ATP9A: variants seen among roughly 807,000 people sequenced by gnomAD.
ATP9A encodes the protein ATPase phospholipid transporting 9A.
ATP9A carries 52 observed loss-of-function variants against 144.1 expected under a neutral mutation model. The observed-to-expected ratio is 0.36, with a 90% confidence interval of 0.29 to 0.45. The LOEUF (loss-of-function observed/expected upper bound fraction) is 0.45. ATP9A is among the 20% of genes least tolerant of loss of function. The pLI is 1.00. For synonymous variants in ATP9A, 582 were observed against 557.4 expected, an observed-to-expected ratio of 1.04 and a Z score of -0.62; for missense variants, 947 against 1,392.7, an observed-to-expected ratio of 0.68 and a Z score of 5.09.
chr20:51,750,370 G>T (rs1176612986), intron 1 of ATP9A, among the ~76,000 whole-genome samples: 1 of 152,034 alleles, frequency 6.6e-6, no homozygotes, highest in Non-Finnish European at 1.5e-5. Flanking sequence ...CCAGTGCCCA[G>T]CACTCCTCCC....
chr20:51,641,326 T>A (rs968624373), intron 14 of ATP9A, among the ~76,000 whole-genome samples: 1 of 151,872 alleles, frequency 6.6e-6, no homozygotes, highest in African/African-American at 2.4e-5. Flanking sequence ...ACCACCCCAC[T>A]CCAGCCTGGA....
At chr20:51,610,515 C>T (rs777204091) in intron 23 of ATP9A, among the ~76,000 whole-genome samples, 2 of 152,152 alleles carry the variant, frequency 1.3e-5, no homozygotes, top group Non-Finnish European at 2.9e-5. Flanking sequence ...TATTAAGTTC[C>T]AGGACCCAGG....
chr20:51,606,005 T>C lies in ATP9A; in HGVS notation c.2804-985A>G, dbSNP rs185378070. Among the ~76,000 whole-genome samples the C allele has an allele frequency of 2.2e-3, 331 of 151,936 alleles. 4 individuals are homozygous for C. Among genetic ancestry groups the C allele is most frequent in the East Asian group, 5.9e-3 (30 of 5,128 alleles). On this transcript the variant is annotated intron_variant, in intron 26 of 27. Transcript: ENST00000338821. ...TAAACCCCAGCCAGTCGCGGTGGCTTACGCCTGTAATCCCAACACTTTGGG... is the reference window on the plus strand; with the variant it reads ...TAAACCCCAGCCAGTCGCGGTGGCTCACGCCTGTAATCCCAACACTTTGGG...
chr20:51,607,495 C>T (rs372002496), intron 26 of ATP9A, 32 bp downstream of exon 26: 4 of 1,575,814 alleles, frequency 2.5e-6, no homozygotes, highest in Non-Finnish European at 3.5e-6. Flanking sequence ...TACCAGAGCA[C>T]AAGACAAACA....
At chr20:51,680,406 C>T (rs1264501693) in intron 9 of ATP9A, among the ~76,000 whole-genome samples, 2 of 152,034 alleles carry the variant, frequency 1.3e-5, no homozygotes, top group East Asian at 3.9e-4. Flanking sequence ...TTCTCACCTT[C>T]TAAGAGGTGG....
chr20:51,707,786 C>G (rs1662240663), intron 4 of ATP9A, among the ~76,000 whole-genome samples: 1 of 152,190 alleles, frequency 6.6e-6, no homozygotes, highest in Non-Finnish European at 1.5e-5. Flanking sequence ...ACCCCAGGCT[C>G]TCACGTTCAT....
At chr20:51,645,794 A>C (rs573759092) in intron 14 of ATP9A, among the ~76,000 whole-genome samples, 3 of 152,212 alleles carry the variant, frequency 2.0e-5, no homozygotes, top group Non-Finnish European at 4.4e-5. Context: ...GTGAGCTGAG[A>C]TAACTGCATT....
intron 13 of ATP9A, among the ~76,000 whole-genome samples, chr20:51,660,821 C>T (rs1201329686): frequency 4.6e-5 from 7 of 152,230 alleles, no homozygotes; most frequent in African/African-American, 1.4e-4. Context: ...AACCTCCTCC[C>T]CATAGGCCCT....
chr20:51,619,354 A>T (rs2077216803), intron 19 of ATP9A, among the ~76,000 whole-genome samples: 1 of 152,098 alleles, frequency 6.6e-6, no homozygotes, highest in African/African-American at 2.4e-5. Flanking sequence ...ACTTGAAGTC[A>T]GGAGTTTGAG....
At chr20:51,617,227 G>A (rs2077206818) in intron 22 of ATP9A, among the ~76,000 whole-genome samples, 1 of 152,046 alleles carries the variant, frequency 6.6e-6, no homozygotes, top group African/African-American at 2.4e-5. Context: ...TTACAGGCGT[G>A]AGCCACCACA....
rs142743165 is a variant in ATP9A, at chr20:51,749,442, T to C, written c.68+18860A>G. On this transcript the variant is annotated intron_variant, in intron 1 of 27. Transcript: ENST00000338821. ...CACCATGCCCAGCTAAGTTTGCTAT[T>C]TGTAGTAGAGACAGTTTCACCATGT... 1.9e-3 allele frequency among the ~76,000 whole-genome samples: 289 copies of C among 152,120 alleles called. 3 individuals carry two copies. The highest frequency in any genetic ancestry group is 5.0e-3 in the Admixed American group (76 of 15,262).
chr20:51,673,945 G>A lies in ATP9A; in HGVS notation c.1037+208C>T, dbSNP rs532418622. ...CATGCCTGTAATCCCAGCTACTTAG[G>A]AGGCTGAGACGGGAGAATCACTTGA... On this transcript the variant is annotated intron_variant, in intron 11 of 27. Coordinates refer to ENST00000338821, the MANE Select transcript of ATP9A (RefSeq NM_006045.3). 3.3e-5 allele frequency among the ~76,000 whole-genome samples: 5 copies of A among 151,844 alleles called. No individual in the cohort carries two copies. In the South Asian group the frequency reaches 1.0e-3, roughly 32 times the overall value.
At chr20:51,627,776 A>T (rs1263359009) in intron 16 of ATP9A, 93 bp from the exon 17 acceptor site, 23 of 1,020,872 alleles carry the variant, frequency 2.3e-5, no homozygotes, top group Non-Finnish European at 2.9e-5. Flanking sequence ...TGCCCCTCCC[A>T]CAGGGTCAGA....
intron 1 of ATP9A, among the ~76,000 whole-genome samples, chr20:51,767,586 G>A (rs542995300): frequency 6.6e-6 from 1 of 152,288 alleles, no homozygotes; most frequent in East Asian, 1.9e-4. Context: ...CTGCCCTCGG[G>A]GTCTCCTACT....
At chr20:51,737,255 G>A (rs2077766611) in intron 1 of ATP9A, among the ~76,000 whole-genome samples, 1 of 152,174 alleles carries the variant, frequency 6.6e-6, no homozygotes. Context: ...CAAATTGGAA[G>A]CGTCTTTGGG....
At chr20:51,626,467 G>A (rs1295336582) in intron 17 of ATP9A, among the ~76,000 whole-genome samples, 5 of 150,830 alleles carry the variant, frequency 3.3e-5, no homozygotes, top group African/African-American at 1.2e-4. Context: ...TACAGTCTGG[G>A]CAACAAGAGT....
intron 15 of ATP9A, among the ~76,000 whole-genome samples, chr20:51,636,040 C>A (rs945054991): frequency 6.6e-6 from 1 of 152,158 alleles, no homozygotes; most frequent in Admixed American, 6.5e-5. Context: ...CCTACACATA[C>A]ATACCTATGA....
intron 8 of ATP9A, among the ~76,000 whole-genome samples, chr20:51,689,605 T>A (rs1221183069): frequency 6.6e-6 from 1 of 150,788 alleles, no homozygotes; most frequent in African/African-American, 2.4e-5. Context: ...TGGCGCGATC[T>A]CGGCCCACTG....
At chr20:51,668,643 C>T (rs1023600818) in intron 13 of ATP9A, among the ~76,000 whole-genome samples, 3 of 152,086 alleles carry the variant, frequency 2.0e-5, no homozygotes, top group Admixed American at 6.5e-5. Context: ...CAGGGAAGTT[C>T]CTCGTGATTT....
Sources: gnomAD v4.1 joint callset for allele counts (sites outside exome capture counted in the v4.1 genomes callset) on GRCh38, gnomAD v4.1.1 for gene constraint, MANE v1.5 for transcripts, NCBI Gene and HGNC (gene_info 2026-07-23, HGNC 2026-07-21) for gene names.